CDH13: variants seen among roughly 807,000 people sequenced by gnomAD.
CDH13 encodes the protein cadherin 13, also known as cadherin-13.
CDH13 carries 24 observed loss-of-function variants against 63.8 expected under a neutral mutation model. The observed-to-expected ratio is 0.38, with a 90% CI of 0.27 to 0.53. The LOEUF is 0.53. CDH13 is among the 20% of genes least tolerant of loss of function. The pLI is 0.85. For synonymous variants in CDH13, 503 were observed against 355.3 expected (o/e 1.42, Z -4.67); for missense variants, 1,049 against 903.1 (o/e 1.16, Z -2.07).
intron 7 of CDH13, among the ~76,000 whole-genome samples, chr16:83,520,618 A>G (rs1414252650): frequency 1.3e-5 from 2 of 152,154 alleles, no homozygotes; most frequent in East Asian, 3.9e-4. Context: ...TTTGCATATA[A>G]TTTTGCGGAA....
At chr16:83,226,589 A>G (rs1281141098) in intron 5 of CDH13, among the ~76,000 whole-genome samples, 1 of 152,194 alleles carries the variant, frequency 6.6e-6, no homozygotes, top group Non-Finnish European at 1.5e-5. Flanking sequence ...TTAGTTGTCT[A>G]ACTACAACCA....
intron 2 of CDH13, among the ~76,000 whole-genome samples, chr16:82,970,187 TC>T (rs1908501203): frequency 6.6e-6 from 1 of 152,120 alleles, no homozygotes; most frequent in African/African-American, 2.4e-5. Context: ...TATTTGGTTT[TC>T]TGTTCTTGTG....
chr16:82,627,148 G>T lies in CDH13; in HGVS notation c.45+11G>T, dbSNP rs1288428550. On this transcript the variant is annotated intron_variant, in intron 1 of 13. Transcript: ENST00000567109. ...GTTCTCCTGTCCCAGGTAGGGAAGAGGGGCTGCCGGGCGCGCTCTGCGCCC... is the reference window on the plus strand; with the variant it reads ...GTTCTCCTGTCCCAGGTAGGGAAGATGGGCTGCCGGGCGCGCTCTGCGCCC... 4 of 1,601,990 alleles carry T rather than the reference G, an allele frequency of 2.5e-6. No homozygotes were observed. The highest frequency in any genetic ancestry group is 3.4e-6 in the Non-Finnish European group (4 of 1,174,378).
intron 5 of CDH13, among the ~76,000 whole-genome samples, chr16:83,331,970 A>G (rs746302962): frequency 1.7e-4 from 26 of 152,154 alleles, no homozygotes; most frequent in Non-Finnish European, 3.1e-4. Flanking sequence ...CTAAATTTCT[A>G]CAAGTGAAAT....
At chr16:83,122,374 T>C (rs890937418) in intron 3 of CDH13, among the ~76,000 whole-genome samples, 1 of 152,240 alleles carries the variant, frequency 6.6e-6, no homozygotes, top group East Asian at 1.9e-4. Context: ...GTGATACTAA[T>C]GTTTTATTTA....
At chr16:83,184,904 T>G (rs969256024) in intron 4 of CDH13, among the ~76,000 whole-genome samples, 1 of 147,900 alleles carries the variant, frequency 6.8e-6, no homozygotes, top group African/African-American at 2.6e-5. Context: ...TGTGTGTGTG[T>G]GTGCGTGTGT....
intron 1 of CDH13, among the ~76,000 whole-genome samples, chr16:82,742,730 G>C (rs2033988432): frequency 1.3e-5 from 2 of 152,160 alleles, no homozygotes; most frequent in African/African-American, 2.4e-5. Context: ...TAACTCTGAA[G>C]AACGCATGCT....
chr16:83,432,650 A>G (rs947147389), intron 6 of CDH13, among the ~76,000 whole-genome samples: 3 of 152,090 alleles, frequency 2.0e-5, no homozygotes, highest in African/African-American at 7.2e-5. Flanking sequence ...CTGGGTGGAG[A>G]AAGGTGTAGC....
At chr16:83,150,673 C>T (rs1194840508) in intron 4 of CDH13, among the ~76,000 whole-genome samples, 1 of 152,148 alleles carries the variant, frequency 6.6e-6, no homozygotes, top group African/African-American at 2.4e-5. Context: ...TTTTTGTTGT[C>T]TTACCTATTT....
chr16:83,650,563 C>G (rs912022963), intron 8 of CDH13, among the ~76,000 whole-genome samples: 1 of 152,154 alleles, frequency 6.6e-6, no homozygotes, highest in African/African-American at 2.4e-5. Flanking sequence ...CCACACCCCG[C>G]TGGGACACCC....
chr16:82,719,085 G>C (rs967346255), intron 1 of CDH13, among the ~76,000 whole-genome samples: 1 of 152,202 alleles, frequency 6.6e-6, no homozygotes, highest in African/African-American at 2.4e-5. Context: ...CCTTAAATCA[G>C]CTATGCCATG....
intron 2 of CDH13, among the ~76,000 whole-genome samples, chr16:83,031,613 G>A (rs1187163989): frequency 6.6e-6 from 1 of 151,772 alleles, no homozygotes; most frequent in Non-Finnish European, 1.5e-5. Flanking sequence ...TCAATACCCA[G>A]CTCAAATATT....
intron 4 of CDH13, among the ~76,000 whole-genome samples, chr16:83,150,738 C>T (rs2036944884): frequency 6.6e-6 from 1 of 152,216 alleles, no homozygotes; most frequent in Non-Finnish European, 1.5e-5. Flanking sequence ...GTTCCCATTT[C>T]TGTAAGACAG....
At chr16:83,156,299 A>G (rs576210669) in intron 4 of CDH13, among the ~76,000 whole-genome samples, 25 of 152,328 alleles carry the variant, frequency 1.6e-4, no homozygotes, top group Admixed American at 1.6e-3. Flanking sequence ...AAGCATGCGT[A>G]TTAATGGATT....
intron 8 of CDH13, among the ~76,000 whole-genome samples, chr16:83,652,118 G>A (rs956444930): frequency 5.3e-5 from 8 of 152,172 alleles, no homozygotes; most frequent in Non-Finnish European, 1.0e-4. Flanking sequence ...AGGAATATGC[G>A]ACGTGCTCAT....
chr16:82,757,647 G>GTTTT (rs776039467), intron 1 of CDH13, among the ~76,000 whole-genome samples: 63 of 88,486 alleles, frequency 7.1e-4, no homozygotes, highest in Middle Eastern at 6.0e-3. Flanking sequence ...CTTTTTTTTT[G>GTTTT]TTTTTTTTTT....
At chr16:83,152,401 T>C (rs2037022422) in intron 4 of CDH13, among the ~76,000 whole-genome samples, 1 of 152,262 alleles carries the variant, frequency 6.6e-6, no homozygotes, top group Admixed American at 6.5e-5. Flanking sequence ...AAATATAGGT[T>C]ATAAAACAAT....
intron 4 of CDH13, among the ~76,000 whole-genome samples, chr16:83,154,262 A>C (rs2151700017): frequency 6.6e-6 from 1 of 152,244 alleles, no homozygotes; most frequent in East Asian, 1.9e-4. Context: ...CATGAGATAA[A>C]AATGTATCTT....
intron 4 of CDH13, among the ~76,000 whole-genome samples, chr16:83,136,550 G>C (rs2036299037): frequency 6.6e-6 from 1 of 151,998 alleles, no homozygotes; most frequent in Admixed American, 6.6e-5. Flanking sequence ...ACAAGCCAGG[G>C]GTGAGCCAAG....
Sources: gnomAD v4.1 joint callset for allele counts (sites outside exome capture counted in the v4.1 genomes callset) on GRCh38, gnomAD v4.1.1 for gene constraint, MANE v1.5 for transcripts, NCBI Gene and HGNC (gene_info 2026-07-23, HGNC 2026-07-21) for gene names.